Variants in GLCCI1 observed in about 807,000 individuals in gnomAD.
GLCCI1 encodes the protein glucocorticoid-induced transcript 1 protein.
A neutral mutation model predicts 52.2 loss-of-function variants in GLCCI1; 24 were observed. That is an observed-to-expected ratio of 0.46 (90% confidence interval 0.33 to 0.65). The LOEUF is 0.65. GLCCI1 is among the 30% of genes least tolerant of loss of function. The pLI is 0.02. For missense variants in GLCCI1, 704 were observed against 701.5 expected (o/e 1.00, Z -0.04); for synonymous variants, 310 against 276.5 (o/e 1.12, Z -1.20).
chr7:8,066,937 A>G (rs905433557), intron 5 of GLCCI1, among the ~76,000 whole-genome samples: 4 of 152,094 alleles, frequency 2.6e-5, no homozygotes, highest in African/African-American at 9.7e-5. Context: ...GAACATCTCC[A>G]TTAATTTTCT....
In GLCCI1 at chr7:7,969,455, C is replaced by A; in HGVS notation, c.105C>A (p.Ala35=). The change falls in exon 1 of 8, where the codon GCC becomes GCA. Residue 35 remains alanine (A), a synonymous_variant. Transcript: ENST00000223145. The surrounding 1 kb of genome is among the most constrained non-coding windows in gnomAD (Gnocchi z 4.9). ...CCGCGGGGTCCCCGCCCGCCGTCGCCGCCGCCGGGAGCGGGAACGGTGCGG... is the reference window on the plus strand; with the variant it reads ...CCGCGGGGTCCCCGCCCGCCGTCGCAGCCGCCGGGAGCGGGAACGGTGCGG... The part of the protein sequence containing the change: ...RSAAGSPPAV[A]AAGSGNGAGG... 8.6e-7 allele frequency: 1 copy of A among 1,167,426 alleles called. No individual in the cohort carries two copies. Among genetic ancestry groups the A allele is most frequent in the Non-Finnish European group, 1.1e-6 (1 of 945,908 alleles). The allele number at this position is 1,167,426 out of a possible 1,614,324, so 72.3% of individuals were successfully genotyped here. A position where few individuals can be genotyped will look rare whatever the true frequency, so the allele number is the denominator to read the frequency against.
chr7:8,032,212 A>T (rs1028612018), intron 3 of GLCCI1, among the ~76,000 whole-genome samples: 7 of 152,056 alleles, frequency 4.6e-5, no homozygotes, highest in African/African-American at 1.7e-4. Context: ...AATATTTTCA[A>T]TTGAGTGAAA....
chr7:8,074,176 GTCTT>G (rs1442079018), intron 6 of GLCCI1, among the ~76,000 whole-genome samples: 2 of 152,120 alleles, frequency 1.3e-5, no homozygotes, highest in Admixed American at 6.5e-5. Flanking sequence ...TGTGATATCT[GTCTT>G]TAAGGAATTT....
chr7:7,986,228 T>C (rs1038840792), intron 1 of GLCCI1, among the ~76,000 whole-genome samples: 5 of 152,334 alleles, frequency 3.3e-5, no homozygotes, highest in Admixed American at 2.6e-4. Context: ...AGTGACCTAG[T>C]GTGGCCAGGC....
chr7:8,062,244 C>T (rs755093388), intron 5 of GLCCI1, among the ~76,000 whole-genome samples: 3 of 152,090 alleles, frequency 2.0e-5, no homozygotes, highest in Non-Finnish European at 4.4e-5. Flanking sequence ...AAGTGTACCT[C>T]AAAGTTTTAA....
At chr7:7,994,977 CTG>C (rs1780911615) in intron 1 of GLCCI1, among the ~76,000 whole-genome samples, 1 of 152,128 alleles carries the variant, frequency 6.6e-6, no homozygotes, top group Non-Finnish European at 1.5e-5. Context: ...TGAAGTGAAA[CTG>C]TTACGTGGAC....
intron 4 of GLCCI1, among the ~76,000 whole-genome samples, chr7:8,057,406 G>A (rs1299280495): frequency 1.3e-5 from 2 of 152,134 alleles, no homozygotes; most frequent in Admixed American, 6.5e-5. Context: ...GAATAACATG[G>A]TTGAATCTCA....
intron 3 of GLCCI1, among the ~76,000 whole-genome samples, chr7:8,033,300 T>A (rs1359669351): frequency 1.3e-5 from 2 of 152,062 alleles, no homozygotes; most frequent in Non-Finnish European, 2.9e-5. Flanking sequence ...AGATTACTCA[T>A]ATTAAATGAT....
At chr7:8,017,527 G>A (rs1286750202) in intron 2 of GLCCI1, among the ~76,000 whole-genome samples, 3 of 152,132 alleles carry the variant, frequency 2.0e-5, no homozygotes, top group African/African-American at 7.2e-5. Context: ...CTGAGGTTGA[G>A]CCTGAGAATT....
intron 3 of GLCCI1, among the ~76,000 whole-genome samples, chr7:8,023,588 C>CTTTTTTTTTTTTTGTTTTT (rs1781544789): frequency 2.4e-5 from 1 of 41,984 alleles, no homozygotes; most frequent in Non-Finnish European, 4.3e-5. Context: ...CTCTGTTATT[C>CTTTTTTTTTTTTTGTTTTT]TTTTTTTTTT....
chr7:8,004,107 T>C, intron 2 of GLCCI1, 48 bp downstream of exon 2: 1 of 1,513,342 alleles, frequency 6.6e-7, no homozygotes, highest in Non-Finnish European at 9.0e-7. Flanking sequence ...ACTTCTTCTG[T>C]TTTGATCACA....
intron 1 of GLCCI1, among the ~76,000 whole-genome samples, chr7:7,999,257 T>C (rs1781004376): frequency 6.6e-6 from 1 of 152,136 alleles, no homozygotes; most frequent in Admixed American, 6.5e-5. Context: ...ATTAGAATAT[T>C]ATTATACAGA....
At chr7:8,047,247 C>T (rs190661389) in intron 3 of GLCCI1, among the ~76,000 whole-genome samples, 25 of 152,278 alleles carry the variant, frequency 1.6e-4, no homozygotes, top group East Asian at 1.5e-3. Context: ...GATTTTCCTC[C>T]AGTGCATTGT....
At position 8,088,252 on chromosome 7, in the gene GLCCI1, G is replaced by GTGTGTGTGTA. The variant is rs1387637046; in HGVS notation, c.*1723_*1724insATGTGTGTGT. ...TATATGTATATGTTTGTGTGTGTGT[G>GTGTGTGTGTA]TGTGTGTGTGTGTGTGTGTATTCTG... On this transcript the variant is annotated 3_prime_UTR_variant, in exon 8 of 8. Transcript: ENST00000223145. 4.0e-5 allele frequency: 6 copies of GTGTGTGTGTA among 151,654 alleles called. No individual in the cohort carries two copies. The highest frequency in any genetic ancestry group is 1.2e-4 in the African/African-American group (5 of 41,132). 9.4% of individuals were successfully genotyped at this position (151,654 alleles called of 1,614,324 possible). A position where few individuals can be genotyped will look rare whatever the true frequency, so the allele number is the denominator to read the frequency against.
chr7:8,001,827 A>C (rs1054781828), intron 1 of GLCCI1, among the ~76,000 whole-genome samples: 3 of 152,198 alleles, frequency 2.0e-5, no homozygotes, highest in Non-Finnish European at 4.4e-5. Context: ...GCTGGAAACC[A>C]TCATTCTGAG....
intron 1 of GLCCI1, chr7:7,980,842 CATATCAGG>C: frequency 3.0e-6 from 2 of 667,190 alleles, no homozygotes; most frequent in South Asian, 1.7e-5. Context: ...GACTTTGTAC[CATATCAGG>C]ATATCAGGAT....
At chr7:8,005,253 TTAAAAA>T (rs1479025631) in intron 2 of GLCCI1, among the ~76,000 whole-genome samples, 1 of 151,814 alleles carries the variant, frequency 6.6e-6, no homozygotes, top group African/African-American at 2.4e-5. Flanking sequence ...AAAATAAAAT[TTAAAAA>T]TAATTTTAAA....
intron 1 of GLCCI1, 56 bp from the exon 2 acceptor site, chr7:8,003,852 A>T (rs562732804): frequency 9.3e-5 from 138 of 1,490,854 alleles, no homozygotes; most frequent in Non-Finnish European, 1.2e-4. Context: ...GAAGTTAGAT[A>T]ACTTTAAATT....
chr7:8,058,117 CTAGA>C (rs1183033493), intron 4 of GLCCI1, among the ~76,000 whole-genome samples: 3 of 152,108 alleles, frequency 2.0e-5, no homozygotes, highest in East Asian at 3.9e-4. Context: ...AACTAGATGA[CTAGA>C]TAAAGTATAA....
Sources: allele counts gnomAD v4.1 joint callset (sites outside exome capture counted in the v4.1 genomes callset), GRCh38; gene constraint gnomAD v4.1.1; non-coding constraint Gnocchi (gnomAD v3.1); transcripts MANE v1.5; gene names NCBI Gene and HGNC (gene_info 2026-07-23, HGNC 2026-07-21).